Variants in TTC9B observed in about 807,000 individuals in gnomAD.
The protein encoded by TTC9B is tetratricopeptide repeat protein 9B.
TTC9B carries 12 observed loss-of-function variants against 19.4 expected under a neutral mutation model. That is an observed-to-expected ratio of 0.62 (90% confidence interval 0.40 to 1.00). The LOEUF is 1.00. TTC9B is among the 50% of genes least tolerant of loss of function. TTC9B has a pLI of 0.00. For synonymous variants in TTC9B, 156 were observed against 158.6 expected (o/e 0.98, Z 0.12); for missense variants, 316 against 345.2 (o/e 0.92, Z 0.67).
rs370218207 is a variant in TTC9B, at chr19:40,216,150, C to T, written c.*13G>A. The T allele has an allele frequency of 1.8e-5, 29 of 1,609,744 alleles. 1 individual carries two copies. In the African/African-American group the frequency reaches 3.1e-4, roughly 17 times the overall value. ...GGGAGGGCGAGGGATAGAGAGGTCC[C>T]CCTGGATTGGCCTCAGCCAATTACA... On this transcript the variant is annotated 3_prime_UTR_variant, in exon 3 of 3. Coordinates refer to ENST00000311308, the MANE Select transcript of TTC9B (RefSeq NM_152479.6).
At chr19:40,216,304 G>A in intron 2 of TTC9B, 32 bp from the exon 3 acceptor site, 4 of 1,576,714 alleles carry the variant, frequency 2.5e-6, no homozygotes, top group Non-Finnish European at 2.6e-6. Context: ...CATCATCTGG[G>A]TGTCCCGGGG....
intron 1 of TTC9B, 137 bp from the exon 2 acceptor site, chr19:40,217,506 C>A: frequency 8.7e-7 from 1 of 1,143,914 alleles, no homozygotes; most frequent in African/African-American, 1.6e-5. Flanking sequence ...CGCCAATCCG[C>A]TCGCCTATCG....
intron 2 of TTC9B, 151 bp from the exon 3 acceptor site, chr19:40,216,423 C>G (rs1378207246): frequency 1.6e-6 from 1 of 627,148 alleles, no homozygotes; most frequent in Non-Finnish European, 2.9e-6. Flanking sequence ...GCCCCAGTCA[C>G]AGTCGGCAGT....
chr19:40,217,917 CCCCTCGTGCCCCAT>C, intron 1 of TTC9B, 24 bp downstream of exon 1: 2 of 1,170,638 alleles, frequency 1.7e-6, no homozygotes, highest in African/African-American at 1.7e-5. Context: ...ATTGCCCCCT[CCCCTCGTGCCCCAT>C]CCCCCCACCC....
chr19:40,217,025 G>T, intron 2 of TTC9B, 162 bp downstream of exon 2: 1 of 703,178 alleles, frequency 1.4e-6, no homozygotes, highest in Non-Finnish European at 2.3e-6. Flanking sequence ...ATGGATGAGT[G>T]GGCGTGTAGG....
intron 1 of TTC9B, 193 bp from the exon 2 acceptor site, chr19:40,217,562 C>G: frequency 1.4e-6 from 1 of 706,426 alleles, no homozygotes; most frequent in Middle Eastern, 4.1e-4. Context: ...AAAACACGGA[C>G]AGGCGCCACT....
chr19:40,217,655 T>C, intron 1 of TTC9B: 2 of 524,138 alleles, frequency 3.8e-6, no homozygotes, highest in South Asian at 3.1e-5. Context: ...AGAGCCTGGC[T>C]CAGGGCAGAC....
chr19:40,216,102 C>T lies in TTC9B; in HGVS notation c.*61G>A, dbSNP rs1015716874. On this transcript the variant is annotated 3_prime_UTR_variant, in exon 3 of 3. Coordinates refer to ENST00000311308, the MANE Select transcript of TTC9B (RefSeq NM_152479.6). ...GTGTTTTACCAACAAACACATGAGT[C>T]GGGGGAAGTTACATGGTGAGGTGGG... The T allele has an allele frequency of 2.9e-5, 38 of 1,330,048 alleles. No individual in the cohort carries two copies. The highest frequency in any genetic ancestry group is 1.9e-4 in the South Asian group (16 of 85,032). 82.4% of individuals were successfully genotyped at this position (1,330,048 alleles called of 1,614,324 possible). A position where few individuals can be genotyped will look rare whatever the true frequency, so the allele number is the denominator to read the frequency against.
chr19:40,218,283 T>TGGGCCCGAGCCC lies in TTC9B; in HGVS notation c.87_98dup (p.Pro33_Gly36dup), dbSNP rs1389375328. The TGGGCCCGAGCCC allele has an allele frequency of 6.9e-6, 10 of 1,441,258 alleles. No homozygotes were observed. The highest frequency in any genetic ancestry group is 8.2e-6 in the Non-Finnish European group (9 of 1,103,016). The allele number at this position is 1,441,258 out of a possible 1,614,324, so 89.3% of individuals were successfully genotyped here. On this transcript the variant is annotated inframe_insertion, in exon 1 of 3. Transcript: ENST00000311308. This position sits in a 1 kb window ranked among gnomAD's most constrained non-coding sequence, Gnocchi z 4.2. ...CCGAGCCATGGCGGGAGCCCGAGCC[T>TGGGCCCGAGCCC]GGGCCCGAGCCCGGTGGGGAGAGGG...
rs755757826 is a variant in TTC9B at position 40,217,210 on chromosome 19, T to C, written c.587A>G (p.Glu196Gly). 1 of 1,613,274 alleles carries C rather than the reference T, an allele frequency of 6.2e-7. No individual in the cohort carries two copies. The highest frequency in any genetic ancestry group is 8.5e-7 in the Non-Finnish European group (1 of 1,179,822). The change falls in exon 2 of 3, where the codon GAG becomes GGG. Residue 196 changes from glutamate to glycine, a missense_variant. Coordinates refer to ENST00000311308, the MANE Select transcript of TTC9B (RefSeq NM_152479.6). ...DYARALRYLQ[E>G]ARSREPTDTN... ...ACCTGTGGGTTCCCGGCTGCGGGCC[T>C]CCTGCAGGTAGCGCAGCGCGCGTGC...
At chr19:40,217,923 G>GT in intron 1 of TTC9B, 32 bp downstream of exon 1, 1 of 795,614 alleles carries the variant, frequency 1.3e-6, no homozygotes, top group African/African-American at 4.1e-5. Context: ...CCCTCCCCTC[G>GT]TGCCCCATCC....
intron 2 of TTC9B, 106 bp downstream of exon 2, chr19:40,217,081 G>A: frequency 7.8e-7 from 1 of 1,283,210 alleles, no homozygotes; most frequent in Non-Finnish European, 1.1e-6. Context: ...CTCCGCGGGA[G>A]GAGGGCTCTG....
intron 2 of TTC9B, chr19:40,216,880 T>TA (rs1175874855): frequency 4.0e-6 from 2 of 499,404 alleles, no homozygotes; most frequent in African/African-American, 3.8e-5. Context: ...AGTGGGTGGA[T>TA]AGGGAAGTGA....
rs753156804 is a variant in TTC9B, at chr19:40,216,122, G to A, written c.*41C>T. 1 of 1,502,348 alleles carries A rather than the reference G, an allele frequency of 6.7e-7. No homozygotes were observed. The allele number at this position is 1,502,348 out of a possible 1,614,324, so 93.1% of individuals were successfully genotyped here. A position where few individuals can be genotyped will look rare whatever the true frequency, so the allele number is the denominator to read the frequency against. ...TGAGTCGGGGGAAGTTACATGGTGA[G>A]GTGGGAGGGCGAGGGATAGAGAGGT... On this transcript the variant is annotated 3_prime_UTR_variant, in exon 3 of 3. Coordinates refer to ENST00000311308, the MANE Select transcript of TTC9B (RefSeq NM_152479.6).
Position 40,217,214 on chromosome 19 carries a change from G to T in TTC9B, c.583C>A (p.Gln195Lys), listed in dbSNP as rs1256777520. Residue 195 changes from glutamine to lysine, a missense_variant, in exon 2 of 3, where the codon CAG becomes AAG. By Grantham distance (53) the Gln-to-Lys change is moderately conservative (BLOSUM62 1). Transcript: ENST00000311308. ...GDYARALRYL[Q>K]EARSREPTDT... is the part of the protein sequence containing the mutation. ...GTGGGTTCCCGGCTGCGGGCCTCCT[G>T]CAGGTAGCGCAGCGCGCGTGCGTAG... The T allele has an allele frequency of 3.7e-6, 6 of 1,613,372 alleles. No individual in the cohort carries two copies. Among genetic ancestry groups the T allele is most frequent in the Non-Finnish European group, 5.1e-6 (6 of 1,179,878 alleles).
At position 40,217,234 on chromosome 19, in the gene TTC9B, G is replaced by T. The variant is rs745918538; in HGVS notation, c.563C>A (p.Ala188Glu). Residue 188 changes from alanine (A) to glutamate (E), a missense_variant, in exon 2 of 3, where the codon GCA becomes GAA. Coordinates refer to ENST00000311308, the MANE Select transcript of TTC9B (RefSeq NM_152479.6). ...GIAFYHLGDY[A>E]RALRYLQEAR... Reference sequence around the variant, plus strand: ...CTCCTGCAGGTAGCGCAGCGCGCGTGCGTAGTCGCCCAGGTGGTAGAAGGC... The same window carrying T: ...CTCCTGCAGGTAGCGCAGCGCGCGTTCGTAGTCGCCCAGGTGGTAGAAGGC... 1.2e-6 allele frequency: 2 copies of T among 1,613,904 alleles called. No homozygotes were observed. Among genetic ancestry groups the T allele is most frequent in the Non-Finnish European group, 1.7e-6 (2 of 1,179,930 alleles).
At position 40,216,156 on chromosome 19, in the gene TTC9B, A is replaced by G; in HGVS notation, c.*7T>C. 1 of 1,613,186 alleles carries G rather than the reference A, an allele frequency of 6.2e-7. No homozygotes were observed. The highest frequency in any genetic ancestry group is 8.5e-7 in the Non-Finnish European group (1 of 1,179,160). ...GCGAGGGATAGAGAGGTCCCCCTGGATTGGCCTCAGCCAATTACATCCCGA... is the reference window on the plus strand; with the variant it reads ...GCGAGGGATAGAGAGGTCCCCCTGGGTTGGCCTCAGCCAATTACATCCCGA... On this transcript the variant is annotated 3_prime_UTR_variant, in exon 3 of 3. Coordinates refer to ENST00000311308, the MANE Select transcript of TTC9B (RefSeq NM_152479.6).
intron 1 of TTC9B, chr19:40,217,632 G>C: frequency 3.8e-6 from 2 of 527,286 alleles, no homozygotes; most frequent in Admixed American, 6.9e-5. Flanking sequence ...CGGGGGCGAG[G>C]GCCGGGACCT....
chr19:40,218,160 G>A lies in TTC9B; in HGVS notation c.222C>T (p.Arg74=). ...CCCGGAACTTCTTCTCTCGATAGCAGCGCTGGCCCTCTGCCTTGAACGCCA... is the reference window on the plus strand; with the variant it reads ...CCCGGAACTTCTTCTCTCGATAGCAACGCTGGCCCTCTGCCTTGAACGCCA... ...AAVAFKAEGQ[R]CYREKKFREA... is the part of the protein sequence containing the mutation. The change falls in exon 1 of 3, where the codon CGC becomes CGT. Residue 74 remains arginine, a synonymous_variant. Coordinates refer to ENST00000311308, the MANE Select transcript of TTC9B (RefSeq NM_152479.6). The surrounding 1 kb of genome is among the most constrained non-coding windows in gnomAD (Gnocchi z 4.2). The A allele has an allele frequency of 6.3e-7, 1 of 1,577,052 alleles. No homozygotes were observed. Among genetic ancestry groups the A allele is most frequent in the Non-Finnish European group, 8.6e-7 (1 of 1,165,696 alleles).
Sources: allele counts gnomAD v4.1 joint callset, GRCh38; gene constraint gnomAD v4.1.1; non-coding constraint Gnocchi (gnomAD v3.1); transcripts MANE v1.5; gene names NCBI Gene and HGNC (gene_info 2026-07-23, HGNC 2026-07-21).